The following NXPH1 variants were observed in gnomAD, a reference collection of about 807,000 sequenced individuals.
NXPH1 encodes neurexophilin 1.
NXPH1 carries 5 observed loss-of-function variants against 23.7 expected under a neutral mutation model. The ratio of observed to expected loss-of-function variants is 0.21; its 90% CI spans 0.11 to 0.44. NXPH1 has a LOEUF of 0.44. Among genes scored for constraint, NXPH1 ranks in the 20% least tolerant of loss-of-function variants. NXPH1 has a pLI of 0.99. For missense variants in NXPH1, 324 were observed against 321.6 expected, an observed-to-expected ratio of 1.01 and a Z score of -0.06; for synonymous variants, 144 against 122.2, an observed-to-expected ratio of 1.18 and a Z score of -1.18.
chr7:8,452,739 C>T (rs1296866568), intron 2 of NXPH1, among the ~76,000 whole-genome samples: 1 of 152,024 alleles, frequency 6.6e-6, no homozygotes, highest in African/African-American at 2.4e-5. Context: ...CTCAGTTTTC[C>T]TAAATTTCTT....
intron 2 of NXPH1, among the ~76,000 whole-genome samples, chr7:8,742,062 C>G (rs1158439540): frequency 2.0e-5 from 3 of 152,056 alleles, no homozygotes; most frequent in Non-Finnish European, 4.4e-5. Context: ...AACATGGGCA[C>G]CACGTAATCT....
chr7:8,565,620 A>T (rs1159830514), intron 2 of NXPH1, among the ~76,000 whole-genome samples: 1 of 151,854 alleles, frequency 6.6e-6, no homozygotes, highest in African/African-American at 2.4e-5. Flanking sequence ...ACATGAAACT[A>T]TGTAGCAACA....
chr7:8,664,239 T>C (rs962371805), intron 2 of NXPH1, among the ~76,000 whole-genome samples: 4 of 152,080 alleles, frequency 2.6e-5, no homozygotes, highest in African/African-American at 9.7e-5. Context: ...TTGCCTAGCT[T>C]TTTCCCCTTT....
intron 2 of NXPH1, among the ~76,000 whole-genome samples, chr7:8,727,297 C>G (rs866131345): frequency 2.3e-5 from 3 of 131,416 alleles, no homozygotes; most frequent in Non-Finnish European, 4.7e-5. Context: ...TGCCTATTCA[C>G]TCTGATGGTA....
At chr7:8,492,248 C>G (rs1056785782) in intron 2 of NXPH1, among the ~76,000 whole-genome samples, 1 of 151,974 alleles carries the variant, frequency 6.6e-6, no homozygotes, top group Non-Finnish European at 1.5e-5. Flanking sequence ...TACGTTTTGA[C>G]GTGCTAATCT....
chr7:8,461,863 C>T (rs1375462976), intron 2 of NXPH1, among the ~76,000 whole-genome samples: 2 of 117,316 alleles, frequency 1.7e-5, no homozygotes, highest in African/African-American at 7.0e-5. Context: ...AATAAACACA[C>T]AAGTGCATAC....
At chr7:8,611,687 C>T (rs1819624974) in intron 2 of NXPH1, among the ~76,000 whole-genome samples, 1 of 152,026 alleles carries the variant, frequency 6.6e-6, no homozygotes, top group South Asian at 2.1e-4. Flanking sequence ...TTCAATAACT[C>T]CAATGATCTC....
At chr7:8,499,676 C>G (rs1170172763) in intron 2 of NXPH1, among the ~76,000 whole-genome samples, 1 of 152,072 alleles carries the variant, frequency 6.6e-6, no homozygotes, top group African/African-American at 2.4e-5. Flanking sequence ...GGGAAACTCA[C>G]CAAGTCAGAA....
rs143744674 is a variant in NXPH1, at chr7:8,526,274, T to C, written c.54+90507T>C. 3.3e-3 allele frequency among the ~76,000 whole-genome samples: 508 copies of C among 152,336 alleles called. 3 individuals carry two copies. Among genetic ancestry groups the C allele is most frequent in the African/African-American group, 0.011 (474 of 41,586 alleles). Reference sequence around the variant, plus strand: ...CCTTTGTTTTGTCCAATTCCTCCCATATGGGGTAGCTGTATTTAACTAATG... The same window carrying C: ...CCTTTGTTTTGTCCAATTCCTCCCACATGGGGTAGCTGTATTTAACTAATG... On this transcript the variant is annotated intron_variant, in intron 2 of 2. Transcript: ENST00000405863.
At chr7:8,476,013 G>C (rs1816964506) in intron 2 of NXPH1, among the ~76,000 whole-genome samples, 1 of 152,066 alleles carries the variant, frequency 6.6e-6, no homozygotes, top group Non-Finnish European at 1.5e-5. Context: ...GTGGAGGTAG[G>C]GTGAATCTGA....
chr7:8,460,792 C>G lies in NXPH1; in HGVS notation c.54+25025C>G, dbSNP rs73677452. On this transcript the variant is annotated intron_variant, in intron 2 of 2. Coordinates refer to ENST00000405863, the MANE Select transcript of NXPH1 (RefSeq NM_152745.3). Reference sequence around the variant, plus strand: ...CTCAGCACTCCCAATTATTGACCACCTATCTTTGGAAAAATTATTCAACAA... The same window carrying G: ...CTCAGCACTCCCAATTATTGACCACGTATCTTTGGAAAAATTATTCAACAA... 1.9e-3 allele frequency among the ~76,000 whole-genome samples: 283 copies of G among 152,316 alleles called. 1 individual carries two copies. Among genetic ancestry groups the G allele is most frequent in the Middle Eastern group, 6.8e-3 (2 of 294 alleles).
At chr7:8,541,343 A>G (rs1041480836) in intron 2 of NXPH1, among the ~76,000 whole-genome samples, 1 of 151,736 alleles carries the variant, frequency 6.6e-6, no homozygotes, top group South Asian at 2.1e-4. Flanking sequence ...GAGTTGTGGG[A>G]TAACTTCAAG....
intron 2 of NXPH1, among the ~76,000 whole-genome samples, chr7:8,684,503 C>T (rs1015038839): frequency 1.3e-5 from 2 of 152,218 alleles, no homozygotes; most frequent in Non-Finnish European, 2.9e-5. Flanking sequence ...GAAACTGATG[C>T]TTGAAATAAA....
chr7:8,521,501 A>G (rs903742083), intron 2 of NXPH1, among the ~76,000 whole-genome samples: 11 of 152,148 alleles, frequency 7.2e-5, no homozygotes, highest in African/African-American at 2.4e-4. Flanking sequence ...AGCTTGCTTT[A>G]TCTTTCCCCA....
At chr7:8,717,648 C>A (rs1473813511) in intron 2 of NXPH1, among the ~76,000 whole-genome samples, 1 of 152,080 alleles carries the variant, frequency 6.6e-6, no homozygotes, top group African/African-American at 2.4e-5. Flanking sequence ...GGAATGAAAT[C>A]TTTTGTAATA....
chr7:8,501,260 T>G (rs1377305291), intron 2 of NXPH1, among the ~76,000 whole-genome samples: 1 of 152,058 alleles, frequency 6.6e-6, no homozygotes, highest in African/African-American at 2.4e-5. Context: ...ATGTGCACAA[T>G]GCAAACATGA....
rs555827045 is a variant in NXPH1, at chr7:8,604,227, C to T, written c.55-146781C>T. On this transcript the variant is annotated intron_variant, in intron 2 of 2. Coordinates refer to ENST00000405863, the MANE Select transcript of NXPH1 (RefSeq NM_152745.3). ...TTGGGATTAAGTTGTTATAAAACAT[C>T]ATGTATTTTTTAAACTTGTTGATTC... Among the ~76,000 whole-genome samples the T allele has an allele frequency of 1.2e-3, 176 of 152,228 alleles. 1 individual carries two copies. The highest frequency in any genetic ancestry group is 4.1e-3 in the African/African-American group (172 of 41,568).
chr7:8,601,881 T>C (rs1819370307), intron 2 of NXPH1, among the ~76,000 whole-genome samples: 1 of 152,214 alleles, frequency 6.6e-6, no homozygotes, highest in South Asian at 2.1e-4. Flanking sequence ...GCTGGAAATA[T>C]TTGGCTTTAA....
In NXPH1 at chr7:8,463,295, CT is replaced by C. The variant is rs1041224406; in HGVS notation, c.54+27539del. ...TACCAAATGGTATCTATAAATGTAT[CT>C]TTTTTTTTTTCATGGCCACATAGTA... On this transcript the variant is annotated intron_variant, in intron 2 of 2. Coordinates refer to ENST00000405863, the MANE Select transcript of NXPH1 (RefSeq NM_152745.3). Among the ~76,000 whole-genome samples, 922 of 146,252 alleles carry C rather than the reference CT, an allele frequency of 6.3e-3. 4 individuals carry two copies. The highest frequency in any genetic ancestry group is 0.016 in the African/African-American group (627 of 40,180).
Sources: allele counts gnomAD v4.1 joint callset (sites outside exome capture counted in the v4.1 genomes callset), GRCh38; gene constraint gnomAD v4.1.1; transcripts MANE v1.5; gene names NCBI Gene and HGNC (gene_info 2026-07-23, HGNC 2026-07-21).